The following MAPK10 variants were observed in gnomAD, a reference collection of about 807,000 sequenced individuals.
MAPK10 encodes JNK3 alpha protein kinase.
Under a neutral mutation model 59.3 loss-of-function variants are expected in MAPK10, and 25 were observed. The ratio of observed to expected loss-of-function variants is 0.42; its 90% CI spans 0.31 to 0.59. The LOEUF (loss-of-function observed/expected upper bound fraction) is 0.59, where lower values mean the gene tolerates loss of function less well. Ranked by LOEUF, MAPK10 falls within the 20% of genes least tolerant of loss-of-function variation. MAPK10 has a pLI of 0.15. For missense variants in MAPK10, 351 were observed against 568.9 expected (o/e 0.62, Z 3.90); for synonymous variants, 190 against 200.5 (o/e 0.95, Z 0.44).
chr4:86,260,178 G>T (rs2093930376), intron 2 of MAPK10, among the ~76,000 whole-genome samples: 2 of 152,014 alleles, frequency 1.3e-5, no homozygotes. Flanking sequence ...TTTTACCCAA[G>T]ATCACTCAGT....
At chr4:86,489,430 ATGT>A (rs1754285677) in intron 1 of MAPK10, among the ~76,000 whole-genome samples, 1 of 152,156 alleles carries the variant, frequency 6.6e-6, no homozygotes, top group African/African-American at 2.4e-5. Flanking sequence ...TTTGTTTCAT[ATGT>A]TTTGGGACCT....
intron 1 of MAPK10, among the ~76,000 whole-genome samples, chr4:86,452,501 C>T (rs955971955): frequency 6.6e-6 from 1 of 152,104 alleles, no homozygotes; most frequent in Non-Finnish European, 1.5e-5. Context: ...CTTCCACACA[C>T]ACAAACATAC....
chr4:86,221,979 CTT>C (rs748174890), intron 2 of MAPK10, among the ~76,000 whole-genome samples: 1 of 152,132 alleles, frequency 6.6e-6, no homozygotes, highest in Non-Finnish European at 1.5e-5. Context: ...CCCTCTCTCT[CTT>C]GCTCCTCCTT....
intron 4 of MAPK10, among the ~76,000 whole-genome samples, chr4:86,134,016 T>C (rs2061461487): frequency 6.6e-6 from 1 of 152,216 alleles, no homozygotes; most frequent in Non-Finnish European, 1.5e-5. Flanking sequence ...TGGCCATCTT[T>C]TGCATGCAAA....
chr4:86,264,750 GA>G (rs761107687), intron 2 of MAPK10, among the ~76,000 whole-genome samples: 50 of 152,284 alleles, frequency 3.3e-4, no homozygotes, highest in Non-Finnish European at 1.9e-4. Context: ...GGGCAACCCT[GA>G]AGACAAACAT....
chr4:86,332,183 T>C (rs1240818768), intron 2 of MAPK10, among the ~76,000 whole-genome samples: 1 of 152,154 alleles, frequency 6.6e-6, no homozygotes, highest in Admixed American at 6.5e-5. Flanking sequence ...AAAATTAAGA[T>C]ATTAAAACAA....
chr4:86,573,209 T>C (rs368070673), intron 1 of MAPK10, among the ~76,000 whole-genome samples: 1 of 152,304 alleles, frequency 6.6e-6, no homozygotes, highest in East Asian at 1.9e-4. Flanking sequence ...AGCTTTACTA[T>C]CAAAGGTCAC....
In MAPK10 at chr4:86,015,527, AG is replaced by A. The variant is rs1357878145; in HGVS notation, c.*1700del. On this transcript the variant is annotated 3_prime_UTR_variant, in exon 14 of 14. Coordinates refer to ENST00000641462, the MANE Select transcript of MAPK10 (RefSeq NM_138982.4). ...GATGGATACTTCGAAGTGAATAAGA[AG>A]GGAAGCCTGATTATTGCTGAGATCA... 6.6e-6 allele frequency: 1 copy of A among 152,216 alleles called. No individual in the cohort carries two copies. The highest frequency in any genetic ancestry group is 1.5e-5 in the Non-Finnish European group (1 of 68,026). 9.4% of individuals were successfully genotyped at this position (152,216 alleles called of 1,614,324 possible). A position where few individuals can be genotyped will look rare whatever the true frequency, so the allele number is the denominator to read the frequency against.
intron 4 of MAPK10, among the ~76,000 whole-genome samples, chr4:86,142,405 T>G (rs1040972582): frequency 5.9e-5 from 9 of 152,276 alleles, no homozygotes; most frequent in Non-Finnish European, 1.2e-4. Context: ...AGCTATCCAT[T>G]TACATTCTAG....
At chr4:86,495,987 C>A (rs1173825855) in intron 1 of MAPK10, among the ~76,000 whole-genome samples, 1 of 151,954 alleles carries the variant, frequency 6.6e-6, no homozygotes, top group Non-Finnish European at 1.5e-5. Context: ...ATAATTCATG[C>A]CAGAAGATAT....
chr4:86,179,022 GA>G (rs2076304910), intron 3 of MAPK10, among the ~76,000 whole-genome samples: 1 of 151,992 alleles, frequency 6.6e-6, no homozygotes, highest in African/African-American at 2.4e-5. Flanking sequence ...CTAACATGAT[GA>G]AACCTTGTCT....
intron 11 of MAPK10, among the ~76,000 whole-genome samples, chr4:86,061,179 A>G (rs1403965101): frequency 6.6e-6 from 1 of 152,172 alleles, no homozygotes; most frequent in African/African-American, 2.4e-5. Flanking sequence ...TAGTAATGGG[A>G]AGAGCAGAAA....
At chr4:86,538,965 C>A (rs1433748790) in intron 1 of MAPK10, among the ~76,000 whole-genome samples, 1 of 152,152 alleles carries the variant, frequency 6.6e-6, no homozygotes, top group Admixed American at 6.5e-5. Context: ...ATTATTTTCA[C>A]TTATCAAATT....
chr4:86,199,737 G>A (rs1006545928), intron 2 of MAPK10, among the ~76,000 whole-genome samples: 1 of 151,988 alleles, frequency 6.6e-6, no homozygotes, highest in Non-Finnish European at 1.5e-5. Flanking sequence ...TATTGGATAT[G>A]TCTGAAATAT....
intron 2 of MAPK10, among the ~76,000 whole-genome samples, chr4:86,231,095 G>A (rs1239614986): frequency 6.6e-6 from 1 of 152,154 alleles, no homozygotes; most frequent in African/African-American, 2.4e-5. Context: ...AATGCAAGGA[G>A]GGGATTTTTA....
intron 1 of MAPK10, among the ~76,000 whole-genome samples, chr4:86,483,949 G>C (rs1020333688): frequency 2.0e-5 from 3 of 152,166 alleles, no homozygotes; most frequent in African/African-American, 7.2e-5. Flanking sequence ...TGGAATAGGA[G>C]CAAGAGAAGG....
chr4:86,121,309 G>A (rs1318864341), intron 4 of MAPK10, among the ~76,000 whole-genome samples: 2 of 152,152 alleles, frequency 1.3e-5, no homozygotes, highest in African/African-American at 4.8e-5. Flanking sequence ...GCACCATCTT[G>A]TTGTGTTCTT....
At chr4:86,367,651 GT>G (rs545193325) in intron 1 of MAPK10, among the ~76,000 whole-genome samples, 60 of 143,988 alleles carry the variant, frequency 4.2e-4, no homozygotes, top group African/African-American at 6.6e-4. Flanking sequence ...GCAAGCATTT[GT>G]TTTTTTTTTT....
chr4:86,486,599 T>C (rs944818456), intron 1 of MAPK10, among the ~76,000 whole-genome samples: 1 of 152,130 alleles, frequency 6.6e-6, no homozygotes, highest in African/African-American at 2.4e-5. Context: ...TCTAAATGAC[T>C]GTGGAAAAAG....
Sources: gnomAD v4.1 joint callset for allele counts (sites outside exome capture counted in the v4.1 genomes callset) on GRCh38, gnomAD v4.1.1 for gene constraint, MANE v1.5 for transcripts, NCBI Gene and HGNC (gene_info 2026-07-23, HGNC 2026-07-21) for gene names.